SORCS3: variants seen among roughly 807,000 people sequenced by gnomAD.
SORCS3 encodes the protein VPS10 domain-containing receptor SorCS3.
SORCS3 carries 57 observed loss-of-function variants against 146.3 expected under a neutral mutation model. That is an observed-to-expected ratio of 0.39 (90% confidence interval 0.31 to 0.49). SORCS3 has a LOEUF of 0.49. Among genes scored for constraint, SORCS3 ranks in the 20% least tolerant of loss-of-function variants. The pLI, the probability that SORCS3 is intolerant of heterozygous loss-of-function variation, is 0.92. For missense variants in SORCS3, 1,341 were observed against 1,575.5 expected, an observed-to-expected ratio of 0.85 and a Z score of 2.52; for synonymous variants, 653 against 618.5, an observed-to-expected ratio of 1.06 and a Z score of -0.83.
chr10:105,090,054 T>G (rs1260469828), intron 6 of SORCS3, among the ~76,000 whole-genome samples: 4 of 152,216 alleles, frequency 2.6e-5, no homozygotes, highest in Non-Finnish European at 5.9e-5. Context: ...TCTGGGGATA[T>G]GAGTTAATGC....
chr10:104,813,584 A>T (rs573714559), intron 1 of SORCS3, among the ~76,000 whole-genome samples: 1 of 152,156 alleles, frequency 6.6e-6, no homozygotes, highest in Non-Finnish European at 1.5e-5. Flanking sequence ...GTGCATGTAT[A>T]GGACAGAACA....
chr10:104,837,823 C>T (rs1589518570), intron 1 of SORCS3, among the ~76,000 whole-genome samples: 1 of 152,254 alleles, frequency 6.6e-6, no homozygotes, highest in Non-Finnish European at 1.5e-5. Context: ...TTTTTCTCTT[C>T]TCTGCATTCC....
intron 3 of SORCS3, among the ~76,000 whole-genome samples, chr10:104,922,635 A>G (rs553458952): frequency 8.5e-5 from 13 of 152,338 alleles, no homozygotes; most frequent in African/African-American, 3.1e-4. Context: ...TGAGTTTTAA[A>G]GATATTTTTC....
At chr10:104,837,547 G>C (rs765449104) in intron 1 of SORCS3, among the ~76,000 whole-genome samples, 18 of 152,090 alleles carry the variant, frequency 1.2e-4, no homozygotes, top group African/African-American at 4.3e-4. Flanking sequence ...GGTCAAAAAG[G>C]TACTTATTTG....
chr10:105,027,571 GT>G (rs540247803), intron 4 of SORCS3, among the ~76,000 whole-genome samples: 78 of 151,986 alleles, frequency 5.1e-4, no homozygotes, highest in Admixed American at 1.2e-3. Context: ...TACTCACCAT[GT>G]TTTTTTTCAT....
At chr10:105,044,878 T>G (rs1180420653) in intron 5 of SORCS3, among the ~76,000 whole-genome samples, 1 of 151,992 alleles carries the variant, frequency 6.6e-6, no homozygotes, top group Non-Finnish European at 1.5e-5. Context: ...TGCCTGTATT[T>G]GGAACTATGG....
Position 104,670,494 on chromosome 10 carries a change from C to A in SORCS3, c.627+28540C>A, listed in dbSNP as rs554046679. 5.3e-5 allele frequency among the ~76,000 whole-genome samples: 8 copies of A among 152,238 alleles called. No homozygotes were observed. The East Asian group carries it at 1.5e-3, about 29-fold the overall frequency. On this transcript the variant is annotated intron_variant, in intron 1 of 26. Transcript: ENST00000369701. ...TGCACCTTTCTCAAAAATCATTTGA[C>A]CATTTATATGAAGGTTTATTTCTGG...
At chr10:104,953,754 ACAT>A (rs1247009337) in intron 3 of SORCS3, among the ~76,000 whole-genome samples, 1 of 152,224 alleles carries the variant, frequency 6.6e-6, no homozygotes, top group Non-Finnish European at 1.5e-5. Context: ...GTATCTATTA[ACAT>A]CTACAATGTA....
chr10:104,678,851 CTCTTGGAGCCCAAG>C (rs1407744026), intron 1 of SORCS3, among the ~76,000 whole-genome samples: 1 of 152,202 alleles, frequency 6.6e-6, no homozygotes. Flanking sequence ...TTATGTTCAG[CTCTTGGAGCCCAAG>C]CCAAACAAGA....
intron 7 of SORCS3, among the ~76,000 whole-genome samples, chr10:105,130,362 A>G (rs1331487265): frequency 6.6e-6 from 1 of 152,058 alleles, no homozygotes; most frequent in Non-Finnish European, 1.5e-5. Context: ...CAGGCATGCT[A>G]ATTCTTCTTC....
rs993189644 is a variant in SORCS3, at chr10:104,943,092, A to G, written c.795+27160A>G. ...TCACTGGATATAATGTCAATGTATA[A>G]AAGTATTATTTTTAGACAATGCAAC... On this transcript the variant is annotated intron_variant, in intron 3 of 26. Coordinates refer to ENST00000369701, the MANE Select transcript of SORCS3 (RefSeq NM_014978.3). 3.3e-5 allele frequency among the ~76,000 whole-genome samples: 5 copies of G among 152,274 alleles called. 1 individual carries two copies. Among genetic ancestry groups the G allele is most frequent in the African/African-American group, 1.2e-4 (5 of 41,480 alleles).
intron 3 of SORCS3, among the ~76,000 whole-genome samples, chr10:104,940,205 T>C (rs1473256483): frequency 2.9e-5 from 1 of 33,976 alleles, no homozygotes; most frequent in East Asian, 1.4e-3. Flanking sequence ...CCTTTTCTTT[T>C]ATATATATAT....
intron 1 of SORCS3, among the ~76,000 whole-genome samples, chr10:104,820,421 A>G (rs1370642696): frequency 6.6e-6 from 1 of 152,242 alleles, no homozygotes; most frequent in Non-Finnish European, 1.5e-5. Context: ...ACAGATGTTT[A>G]TAAACATCTA....
chr10:105,064,020 A>G (rs964356830), intron 5 of SORCS3, among the ~76,000 whole-genome samples: 1 of 152,202 alleles, frequency 6.6e-6, no homozygotes. Flanking sequence ...CTGCCGGAGC[A>G]TGACTTCACC....
In SORCS3 at chr10:105,178,180, A is replaced by G; in HGVS notation, c.2009+7A>G. On this transcript the variant is annotated splice_region_variant and intron_variant, in intron 14 of 26. Coordinates refer to ENST00000369701, the MANE Select transcript of SORCS3 (RefSeq NM_014978.3). ...TGGAGACCCACATCATGACGTGAGT[A>G]CTTCTTTTGCTGTGACAGGAAGAAG... is the stretch of plus-strand genomic sequence containing the variant. The G allele has an allele frequency of 6.2e-7, 1 of 1,600,010 alleles. No homozygotes were observed. Among genetic ancestry groups the G allele is most frequent in the Non-Finnish European group, 8.5e-7 (1 of 1,169,806 alleles).
At position 104,846,807 on chromosome 10, in the gene SORCS3, T is replaced by C. The variant is rs141748738; in HGVS notation, c.695+3948T>C. ...CAAAAAACACTTTACCTATAAGATA[T>C]CATGTGTAGAGAGTTCATGAGGTTG... is the stretch of plus-strand genomic sequence containing the variant. On this transcript the variant is annotated intron_variant, in intron 2 of 26. Coordinates refer to ENST00000369701, the MANE Select transcript of SORCS3 (RefSeq NM_014978.3). Among the ~76,000 whole-genome samples, 552 of 152,286 alleles carry C rather than the reference T, an allele frequency of 3.6e-3. 5 individuals are homozygous for C. Among genetic ancestry groups the C allele is most frequent in the Middle Eastern group, 0.014 (4 of 294 alleles).
intron 2 of SORCS3, among the ~76,000 whole-genome samples, chr10:104,867,410 C>T (rs1012918711): frequency 6.6e-6 from 1 of 151,518 alleles, no homozygotes. Flanking sequence ...CCTGGGTTCA[C>T]GCCATTCTCC....
At chr10:105,237,200 G>A (rs1239709758) in intron 20 of SORCS3, among the ~76,000 whole-genome samples, 1 of 152,120 alleles carries the variant, frequency 6.6e-6, no homozygotes, top group Non-Finnish European at 1.5e-5. Context: ...TGGAGTGGTT[G>A]CAGAACAAGA....
intron 1 of SORCS3, among the ~76,000 whole-genome samples, chr10:104,838,214 G>A (rs142662613): frequency 2.0e-5 from 3 of 152,148 alleles, no homozygotes; most frequent in Non-Finnish European, 2.9e-5. Context: ...CTGTAGATCC[G>A]GAACTACCCC....
Sources: allele counts gnomAD v4.1 joint callset (sites outside exome capture counted in the v4.1 genomes callset), GRCh38; gene constraint gnomAD v4.1.1; transcripts MANE v1.5; gene names NCBI Gene and HGNC (gene_info 2026-07-23, HGNC 2026-07-21).